APLF: variants seen among roughly 807,000 people sequenced by gnomAD.
The protein encoded by APLF is aprataxin and PNKP like factor.
In APLF, 61 loss-of-function variants were observed where a neutral mutation model predicts 55.6. The observed-to-expected ratio is 1.10, with a 90% CI of 0.89 to 1.36. APLF has a LOEUF of 1.36. APLF is among the 40% of genes most tolerant of loss of function. The probability of loss-of-function intolerance (pLI) is 0.00; values close to 1 mark genes in which losing one functional copy is unlikely to be tolerated. For missense variants in APLF, 611 were observed against 602.5 expected (o/e 1.01, Z -0.15); for synonymous variants, 207 against 214.8 (o/e 0.96, Z 0.32).
Position 68,551,121 on chromosome 2 carries a change from T to C in APLF, c.1286+5809T>C, listed in dbSNP as rs570686872. Among the ~76,000 whole-genome samples the C allele has an allele frequency of 2.2e-3, 342 of 152,268 alleles. 2 individuals carry two copies. The highest frequency in any genetic ancestry group is 3.8e-3 in the Non-Finnish European group (257 of 67,992). On this transcript the variant is annotated intron_variant, in intron 8 of 9. Transcript: ENST00000303795. ...TTTTAAAGGCTGTTTTCACTAGGTA[T>C]GTAATTCTAGCTTAGCATACCTTTT... is the stretch of plus-strand genomic sequence containing the variant.
chr2:68,518,962 CATA>C lies in APLF; in HGVS notation c.622+5289_622+5291del, dbSNP rs1279251445. Among the ~76,000 whole-genome samples, 698 of 114,748 alleles carry C rather than the reference CATA, an allele frequency of 6.1e-3. 8 individuals carry two copies. The highest frequency in any genetic ancestry group is 0.023 in the African/African-American group (655 of 28,036). The allele number at this position is 114,748 out of a possible 152,430, so 75.3% of individuals were successfully genotyped here. ...ATATTATATAATATTATTAATAATA[CATA>C]ATAATATGCTATTAATATACAATAT... On this transcript the variant is annotated intron_variant, in intron 5 of 9. Coordinates refer to ENST00000303795, the MANE Select transcript of APLF (RefSeq NM_173545.3).
intron 7 of APLF, among the ~76,000 whole-genome samples, 162 bp downstream of exon 7, chr2:68,538,389 G>C (rs1670457787): frequency 6.6e-6 from 1 of 152,082 alleles, no homozygotes; most frequent in Non-Finnish European, 1.5e-5. Context: ...ATATTTTCTA[G>C]AAAATCCTTT....
intron 9 of APLF, among the ~76,000 whole-genome samples, chr2:68,575,059 A>G (rs190774097): frequency 6.6e-6 from 1 of 152,314 alleles, no homozygotes; most frequent in African/African-American, 2.4e-5. Flanking sequence ...CACACAAGCA[A>G]TTATTTGTTG....
intron 1 of APLF, among the ~76,000 whole-genome samples, chr2:68,478,664 G>A (rs1420482039): frequency 6.6e-6 from 1 of 152,182 alleles, no homozygotes; most frequent in Admixed American, 6.5e-5. Context: ...AATCATTGAG[G>A]AGAAAGGATG....
Position 68,538,335 on chromosome 2 carries a change from G to A in APLF, c.1160+108G>A, listed in dbSNP as rs1670453230. ...ACTTAATAAAACCCACTGGCCTAAA[G>A]GTTAGGGGCTTTATCGTGTTTCTAC... On this transcript the variant is annotated intron_variant, in intron 7 of 9. Transcript: ENST00000303795. 3 of 941,948 alleles carry A rather than the reference G, an allele frequency of 3.2e-6. No individual in the cohort carries two copies. In the East Asian group the frequency reaches 8.3e-5, roughly 26 times the overall value. 58.3% of individuals were successfully genotyped at this position (941,948 alleles called of 1,614,324 possible).
At chr2:68,492,630 T>C (rs1182617555) in intron 2 of APLF, among the ~76,000 whole-genome samples, 2 of 152,194 alleles carry the variant, frequency 1.3e-5, no homozygotes, top group Non-Finnish European at 2.9e-5. Context: ...TGTTCAGTTA[T>C]AAAAAGGCTC....
At chr2:68,513,870 A>G (rs1023157827) in intron 5 of APLF, among the ~76,000 whole-genome samples, 190 bp downstream of exon 5, 1 of 151,714 alleles carries the variant, frequency 6.6e-6, no homozygotes, top group Non-Finnish European at 1.5e-5. Context: ...TATGCCATTT[A>G]TCAAATACCA....
At chr2:68,542,534 C>A (rs1670584570) in intron 7 of APLF, among the ~76,000 whole-genome samples, 2 of 151,450 alleles carry the variant, frequency 1.3e-5, no homozygotes, top group Admixed American at 6.6e-5. Context: ...AAATGACCAA[C>A]AAGCATATTA....
intron 6 of APLF, among the ~76,000 whole-genome samples, chr2:68,527,341 C>A (rs1401846679): frequency 6.6e-6 from 1 of 151,136 alleles, no homozygotes; most frequent in African/African-American, 2.4e-5. Flanking sequence ...GGTGAGGAGG[C>A]GGGGCAGAGG....
In APLF at chr2:68,513,571, C is replaced by G; in HGVS notation, c.513C>G (p.Asp171Glu). ...AGTCTTTCCTAGGTGAAAATAGAGA[C>G]TGCAATAAGCAGCAGCCAATCCTTG... ...NSVSFLGENR[D>E]CNKQQPILAE... Residue 171 changes from aspartate (D) to glutamate (E), a missense_variant, in exon 5 of 10, where the codon GAC becomes GAG. Asp to Glu is a conservative substitution (Grantham distance 45). Transcript: ENST00000303795. 6.2e-7 allele frequency: 1 copy of G among 1,611,284 alleles called. No homozygotes were observed. Among genetic ancestry groups the G allele is most frequent in the Non-Finnish European group, 8.5e-7 (1 of 1,178,204 alleles).
At chr2:68,562,416 A>G (rs767699336) in intron 8 of APLF, among the ~76,000 whole-genome samples, 15 of 152,166 alleles carry the variant, frequency 9.9e-5, no homozygotes, top group Admixed American at 2.6e-4. Context: ...GGTGCTATGA[A>G]AGATATTAAA....
At chr2:68,491,248 C>G (rs1302441079) in intron 2 of APLF, among the ~76,000 whole-genome samples, 1 of 152,154 alleles carries the variant, frequency 6.6e-6, no homozygotes, top group East Asian at 1.9e-4. Flanking sequence ...TCTTTAGGAG[C>G]CACTGTATTT....
chr2:68,525,738 C>CTTTTTTTTTTTTTTTTTTTTTTTTTTT (rs1316999754), intron 5 of APLF, among the ~76,000 whole-genome samples: 2 of 106,852 alleles, frequency 1.9e-5, no homozygotes, highest in African/African-American at 9.4e-5. Context: ...TATTTTCTTT[C>CTTTTTTTTTTTTTTTTTTTTTTTTTTT]TTTCTTTTTT....
intron 8 of APLF, among the ~76,000 whole-genome samples, chr2:68,550,375 G>A (rs1197813272): frequency 2.0e-5 from 3 of 151,862 alleles, no homozygotes; most frequent in African/African-American, 4.8e-5. Flanking sequence ...GGGATTATAG[G>A]CACCCACCAC....
chr2:68,517,083 G>A (rs1669614990), intron 5 of APLF, among the ~76,000 whole-genome samples: 1 of 121,360 alleles, frequency 8.2e-6, no homozygotes, highest in Non-Finnish European at 1.6e-5. Flanking sequence ...TATATAATAT[G>A]TTATTAATAT....
chr2:68,566,959 G>A (rs931272551), intron 8 of APLF, among the ~76,000 whole-genome samples: 3 of 151,790 alleles, frequency 2.0e-5, no homozygotes, highest in African/African-American at 7.3e-5. Flanking sequence ...AATACTGTAG[G>A]CACATATGTA....
Position 68,467,700 on chromosome 2 carries a change from C to G in APLF, c.-32C>G. The G allele has an allele frequency of 8.1e-7, 1 of 1,230,982 alleles. No individual in the cohort carries two copies. Among genetic ancestry groups the G allele is most frequent in the Admixed American group, 4.2e-5 (1 of 23,712 alleles). The allele number at this position is 1,230,982 out of a possible 1,614,324, so 76.3% of individuals were successfully genotyped here. On this transcript the variant is annotated 5_prime_UTR_variant, in exon 1 of 10. Transcript: ENST00000303795. ...GGGCGGAAACAGCGGAGGGGCCAGT[C>G]TCCTGGCGAAGGGGCCTAATCCTTG...
intron 5 of APLF, among the ~76,000 whole-genome samples, chr2:68,518,661 TAATA>T (rs1421132022): frequency 8.0e-6 from 1 of 125,126 alleles, no homozygotes; most frequent in African/African-American, 3.2e-5. Context: ...CATGAATATA[TAATA>T]AATCAATATA....
At chr2:68,499,889 C>T (rs536355583) in intron 2 of APLF, among the ~76,000 whole-genome samples, 2 of 152,022 alleles carry the variant, frequency 1.3e-5, no homozygotes, top group Non-Finnish European at 2.9e-5. Context: ...CATACATACA[C>T]GTAAACATAC....
Sources: allele counts gnomAD v4.1 joint callset (sites outside exome capture counted in the v4.1 genomes callset), GRCh38; gene constraint gnomAD v4.1.1; transcripts MANE v1.5; gene names NCBI Gene and HGNC (gene_info 2026-07-23, HGNC 2026-07-21).